The following SYT16 variants were observed in gnomAD, a reference collection of about 807,000 sequenced individuals.
SYT16 encodes the protein synaptotagmin 16.
SYT16 carries 42 observed loss-of-function variants against 61.4 expected under a neutral mutation model. That is an observed-to-expected ratio of 0.68 (90% CI 0.53 to 0.89). The LOEUF (loss-of-function observed/expected upper bound fraction) is 0.89, where lower values mean the gene tolerates loss of function less well. Among genes scored for constraint, SYT16 ranks in the 40% least tolerant of loss-of-function variants. The pLI is 0.00. For synonymous variants in SYT16, 314 were observed against 302.3 expected, an observed-to-expected ratio of 1.04 and a Z score of -0.40; for missense variants, 804 against 807.3, an observed-to-expected ratio of 1.00 and a Z score of 0.05.
chr14:61,920,907 A>G (rs1016482534), intron 1 of SYT16, among the ~76,000 whole-genome samples: 13 of 152,296 alleles, frequency 8.5e-5, no homozygotes, highest in African/African-American at 3.1e-4. Context: ...AAGTGGTAGA[A>G]CCAGGATGTG....
chr14:62,011,028 C>G (rs535249024), intron 3 of SYT16, among the ~76,000 whole-genome samples: 1 of 152,064 alleles, frequency 6.6e-6, no homozygotes, highest in Non-Finnish European at 1.5e-5. Context: ...TTTCCCTTTG[C>G]GAAGTTGGAT....
At chr14:62,012,777 A>C (rs1028978588) in intron 3 of SYT16, among the ~76,000 whole-genome samples, 3 of 152,182 alleles carry the variant, frequency 2.0e-5, no homozygotes, top group African/African-American at 4.8e-5. Flanking sequence ...TACCTTGGCT[A>C]TTCTGCAAAT....
chr14:61,964,359 C>A (rs1316160793), intron 1 of SYT16, among the ~76,000 whole-genome samples: 1 of 152,072 alleles, frequency 6.6e-6, no homozygotes, highest in Non-Finnish European at 1.5e-5. Context: ...TTGATTCTAA[C>A]CCTCTTGGAT....
intron 1 of SYT16, among the ~76,000 whole-genome samples, chr14:61,859,355 CATA>C (rs1477242337): frequency 6.6e-6 from 1 of 152,008 alleles, no homozygotes; most frequent in Non-Finnish European, 1.5e-5. Context: ...AGTTCATTAG[CATA>C]ATAAGATTAG....
At chr14:62,014,248 T>C (rs2053579313) in intron 3 of SYT16, among the ~76,000 whole-genome samples, 1 of 152,212 alleles carries the variant, frequency 6.6e-6, no homozygotes, top group Admixed American at 6.5e-5. Context: ...AAAACATAAC[T>C]AATCATCTTC....
chr14:62,005,922 T>C (rs149510878), intron 3 of SYT16, among the ~76,000 whole-genome samples: 2 of 152,244 alleles, frequency 1.3e-5, no homozygotes, highest in African/African-American at 4.8e-5. Context: ...GAATGCACCA[T>C]GGGCTTAGAA....
chr14:61,933,699 T>A (rs2049863221), intron 1 of SYT16, among the ~76,000 whole-genome samples: 1 of 152,188 alleles, frequency 6.6e-6, no homozygotes, highest in African/African-American at 2.4e-5. Context: ...TTCCTGTTAG[T>A]ATGATGGCTC....
intron 3 of SYT16, among the ~76,000 whole-genome samples, chr14:62,034,499 T>A (rs1175588141): frequency 6.6e-6 from 1 of 152,146 alleles, no homozygotes; most frequent in Non-Finnish European, 1.5e-5. Context: ...AGTCTATTCA[T>A]CAAATGGAAT....
At chr14:61,895,811 A>T (rs951924642) in intron 1 of SYT16, among the ~76,000 whole-genome samples, 2 of 152,228 alleles carry the variant, frequency 1.3e-5, no homozygotes, top group African/African-American at 4.8e-5. Flanking sequence ...ATTGTAAAAA[A>T]AAATTAATCT....
At position 61,910,006 on chromosome 14, in the gene SYT16, G is replaced by A. The variant is rs564086275; in HGVS notation, c.-324-60126G>A. Among the ~76,000 whole-genome samples, 7 of 152,272 alleles carry A rather than the reference G, an allele frequency of 4.6e-5. No homozygotes were observed. The East Asian group carries it at 1.4e-3, about 29-fold the overall frequency. On this transcript the variant is annotated intron_variant, in intron 1 of 7. Coordinates refer to ENST00000683842, the MANE Select transcript of SYT16 (RefSeq NM_001367656.1). ...AGAGGTTGTTGCACAATTTGAGTGA[G>A]TCCTCAGTTTCTGTTTGCATTCATT...
chr14:61,857,478 A>G (rs557926029), intron 1 of SYT16, among the ~76,000 whole-genome samples: 1 of 152,340 alleles, frequency 6.6e-6, no homozygotes, highest in South Asian at 2.1e-4. Flanking sequence ...GTTGACTGCC[A>G]GAGTTTACAA....
chr14:62,002,001 T>C (rs1037108614), intron 3 of SYT16, among the ~76,000 whole-genome samples: 3 of 152,116 alleles, frequency 2.0e-5, no homozygotes, highest in African/African-American at 7.2e-5. Flanking sequence ...GCTTTTAACA[T>C]ATTAATCACA....
intron 2 of SYT16, among the ~76,000 whole-genome samples, chr14:61,991,465 C>T (rs956594738): frequency 7.9e-5 from 12 of 151,982 alleles, no homozygotes; most frequent in African/African-American, 2.9e-4. Flanking sequence ...CCTTGGTGTG[C>T]TCTACCAATC....
intron 1 of SYT16, among the ~76,000 whole-genome samples, chr14:61,916,193 T>G (rs1352906018): frequency 6.6e-6 from 1 of 152,166 alleles, no homozygotes; most frequent in East Asian, 1.9e-4. Flanking sequence ...AAATTTAGCT[T>G]TGAGCAGATT....
intron 7 of SYT16, among the ~76,000 whole-genome samples, chr14:62,093,297 G>A (rs956905212): frequency 2.0e-5 from 3 of 152,064 alleles, no homozygotes; most frequent in Admixed American, 1.3e-4. Flanking sequence ...TCAATAGAAA[G>A]CAGAGAAAAT....
chr14:62,079,720 A>G (rs2056638607), intron 5 of SYT16, among the ~76,000 whole-genome samples: 1 of 152,256 alleles, frequency 6.6e-6, no homozygotes, highest in Non-Finnish European at 1.5e-5. Flanking sequence ...AGTTACAGGT[A>G]AGGATCATGC....
intron 3 of SYT16, among the ~76,000 whole-genome samples, chr14:62,018,181 T>C (rs961986534): frequency 6.6e-6 from 1 of 152,096 alleles, no homozygotes; most frequent in Non-Finnish European, 1.5e-5. Flanking sequence ...GTAGTGGCAA[T>C]AAGGTCCTGT....
intron 1 of SYT16, among the ~76,000 whole-genome samples, chr14:61,827,044 C>T (rs1335602451): frequency 1.3e-5 from 2 of 150,380 alleles, no homozygotes; most frequent in East Asian, 3.8e-4. Flanking sequence ...TCTTTAAAGG[C>T]CCCATCTCTA....
At chr14:61,846,768 AT>A (rs56690493) in intron 1 of SYT16, among the ~76,000 whole-genome samples, 11,888 of 151,138 alleles carry the variant, frequency 0.079, 523 homozygotes, top group Non-Finnish European at 0.1. Flanking sequence ...AGTGAAGGTA[AT>A]TTTTTTCTGG....
Sources: gnomAD v4.1 joint callset for allele counts (sites outside exome capture counted in the v4.1 genomes callset) on GRCh38, gnomAD v4.1.1 for gene constraint, MANE v1.5 for transcripts, NCBI Gene and HGNC (gene_info 2026-07-23, HGNC 2026-07-21) for gene names.